Variants in TTN observed in about 807,000 individuals in gnomAD.
TTN encodes titin, also known as connectin.
A neutral mutation model predicts 3,223.0 loss-of-function variants in TTN; 1,525 were observed. That is an observed-to-expected ratio of 0.47 (90% CI 0.45 to 0.49). The LOEUF (loss-of-function observed/expected upper bound fraction) is 0.49, where lower values mean the gene tolerates loss of function less well. Among genes scored for constraint, TTN ranks in the 20% least tolerant of loss-of-function variants. TTN has a pLI of 0.00. For synonymous variants in TTN, 14,094 were observed against 15,161.0 expected (o/e 0.93, Z 5.17); for missense variants, 40,786 against 43,424.0 (o/e 0.94, Z 5.40).
At position 178,609,691 on chromosome 2, in the gene TTN, A is replaced by T; in HGVS notation, c.51732T>A (p.Asp17244Glu). 5 of 1,588,738 alleles carry T rather than the reference A, an allele frequency of 3.1e-6. No individual in the cohort carries two copies. The highest frequency in any genetic ancestry group is 1.3e-5 in the African/African-American group (1 of 74,222). Residue 17244 changes from aspartate to glutamate, a missense_variant, in exon 272 of 363, where the codon GAT (aspartate) becomes GAA (glutamate). Transcript: ENST00000589042. ...SRATPPTKAV[D>E]PIDAPKVILR... ...CCATGAAACAAAACTTACCAATGGG[A>T]TCTACAGCTTTGGTTGGAGGAGTAG...
chr2:178,588,585 C>T lies in TTN; in HGVS notation c.63140G>A (p.Gly21047Glu). ...CGGTCTTGAAGGCAAGCTTGGTTCT[C>T]CAATTCCAATTTCATTTTCTGCCTT... ...RVKAENEIGI[G>E]EPSLPSRPVV... Residue 21047 changes from glycine (G) to glutamate (E), a missense_variant, in exon 304 of 363, where the codon GGA becomes GAA. Physicochemically the swap from Gly to Glu is moderately conservative, Grantham distance 98. Coordinates refer to ENST00000589042, the MANE Select transcript of TTN (RefSeq NM_001267550.2). 6.4e-7 allele frequency: 1 copy of T among 1,554,870 alleles called. No homozygotes were observed. The highest frequency in any genetic ancestry group is 8.7e-7 in the Non-Finnish European group (1 of 1,152,600).
At position 178,611,135 on chromosome 2, in the gene TTN, A is replaced by G. The variant is rs752023426; in HGVS notation, c.50994T>C (p.Ser16998=). The part of the protein sequence containing the change: ...WHKDGKEVKA[S]DRLTMKNDHI... The stretch of plus-strand genomic sequence containing the variant: ...GATCATTCTTCATTGTTAATCTATC[A>G]CTTGCTTTAACTTCTTTGCCATCTT... Residue 16998 remains serine, a synonymous_variant, in exon 270 of 363, where the codon AGT becomes AGC. Transcript: ENST00000589042. 2.7e-4 allele frequency: 443 copies of G among 1,612,792 alleles called. 3 individuals are homozygous for G. Among genetic ancestry groups the G allele is most frequent in the Non-Finnish European group, 9.2e-5 (109 of 1,179,222 alleles).
chr2:178,779,971 G>A, intron 22 of TTN, 29 bp downstream of exon 22: 1 of 1,594,272 alleles, frequency 6.3e-7, no homozygotes, highest in Non-Finnish European at 8.6e-7. Flanking sequence ...TTATGAAATT[G>A]TTTGGTTGGT....
Position 178,636,757 on chromosome 2 carries a change from C to T in TTN, c.40970G>A (p.Arg13657Lys). 3 of 1,607,412 alleles carry T rather than the reference C, an allele frequency of 1.9e-6. No individual in the cohort carries two copies. The highest frequency in any genetic ancestry group is 2.6e-6 in the Non-Finnish European group (3 of 1,175,780). The change falls in exon 225 of 363, where the codon AGA becomes AAA. Residue 13657 changes from arginine to lysine, a missense_variant. Coordinates refer to ENST00000589042, the MANE Select transcript of TTN (RefSeq NM_001267550.2). This position sits in a 1 kb window ranked among gnomAD's most constrained non-coding sequence, Gnocchi z 4.3. ...TCCACCACTTCCTGGCCTTAACTTT[C>T]TCCTTTCGGCTTCTATTGGTGAAGG... is the stretch of plus-strand genomic sequence containing the variant. ...KTPSPIEAER[R>K]KLRPGSGGEK...
rs727504503 is a variant in TTN, at chr2:178,554,000, T to C, written c.89111A>G (p.Tyr29704Cys). 7 of 1,613,324 alleles carry C rather than the reference T, an allele frequency of 4.3e-6. No individual in the cohort carries two copies. In the Admixed American group the frequency reaches 5.0e-5, roughly 12 times the overall value. The stretch of plus-strand genomic sequence containing the variant: ...GTTTACAGCACAAACTCTGTATTGA[T>C]AGTCACTGTTTTCTGTGAGTCCTGT... The part of the protein sequence containing the change: ...KVTGLTENSD[Y>C]QYRVCAVNAA... The change falls in exon 333 of 363, where the codon TAT becomes TGT. Residue 29704 changes from tyrosine (Y) to cysteine (C), a missense_variant. Physicochemically the swap from Tyr to Cys is radical, Grantham distance 194. Coordinates refer to ENST00000589042, the MANE Select transcript of TTN (RefSeq NM_001267550.2).
At chr2:178,671,780 A>C (rs1431153201) in intron 155 of TTN, among the ~76,000 whole-genome samples, 191 bp downstream of exon 155, 1 of 151,800 alleles carries the variant, frequency 6.6e-6, no homozygotes, top group East Asian at 1.9e-4. Context: ...TAGATATCAA[A>C]TATTACTATC....
chr2:178,635,280 G>T lies in TTN; in HGVS notation c.41909C>A (p.Pro13970Gln), dbSNP rs1347182960. The T allele has an allele frequency of 1.2e-6, 2 of 1,613,002 alleles. No individual in the cohort carries two copies. The highest frequency in any genetic ancestry group is 1.7e-6 in the Non-Finnish European group (2 of 1,179,498). The change falls in exon 228 of 363, where the codon CCA (proline) becomes CAA (glutamine). Residue 13970 changes from proline (P) to glutamine (Q), a missense_variant. Transcript: ENST00000589042. ...LGEREVELLK[P>Q]IEDVTIYEKE... ...CTCATAAATGGTAACGTCCTCTATT[G>T]GTTTAAGCAGTTCAACTTCACGCTC...
At chr2:178,600,410 C>CATATATATATAT (rs10684593) in intron 288 of TTN, 214 of 142,180 alleles carry the variant, frequency 1.5e-3, no homozygotes, top group East Asian at 0.01. Context: ...GAATTATTAC[C>CATATATATATAT]ATATATATAT....
chr2:178,701,419 T>G lies in TTN; in HGVS notation c.30598+109A>C, dbSNP rs2251987. 1,203,465 of 1,211,230 alleles carry G rather than the reference T, an allele frequency of 0.99. 598,254 individuals are homozygous for G. The highest frequency in any genetic ancestry group is 1 in the East Asian group (42,071 of 42,072). The allele number at this position is 1,211,230 out of a possible 1,614,324, so 75.0% of individuals were successfully genotyped here. On this transcript the variant is annotated intron_variant, in intron 110 of 362. Transcript: ENST00000589042. ...TCACTGAAGAATATGACATGGAAGG[T>G]TTTGTTCTGACTCTGCTGCAGTTTG...
chr2:178,665,656 A>G (rs2154260727), intron 164 of TTN, 52 bp downstream of exon 164: 2 of 1,295,934 alleles, frequency 1.5e-6, no homozygotes, highest in Non-Finnish European at 2.0e-6. Flanking sequence ...AGCACCCTGT[A>G]CATGCTAAGC....
rs1307295832 is a variant in TTN at position 178,553,339 on chromosome 2, C to T, written c.89561G>A (p.Gly29854Asp). ...GGGAATCAACACTTGTACATCTTCA[C>T]CAGCTTTGGCAATAACAGAAGTTCT... The part of the protein sequence containing the change: ...ALRTSVIAKA[G>D]EDVQVLIPFK... The change falls in exon 335 of 363, where the codon GGT becomes GAT. Residue 29854 changes from glycine to aspartate, a missense_variant. By Grantham distance (94) the Gly-to-Asp change is moderately conservative. Coordinates refer to ENST00000589042, the MANE Select transcript of TTN (RefSeq NM_001267550.2). The T allele has an allele frequency of 6.2e-6, 10 of 1,602,514 alleles. No homozygotes were observed. The highest frequency in any genetic ancestry group is 1.3e-5 in the African/African-American group (1 of 74,862).
At position 178,774,445 on chromosome 2, in the gene TTN, A is replaced by C; in HGVS notation, c.6819T>G (p.Leu2273=). 6.2e-7 allele frequency: 1 copy of C among 1,613,204 alleles called. No homozygotes were observed. The highest frequency in any genetic ancestry group is 1.7e-4 in the Middle Eastern group (1 of 6,058). The part of the protein sequence containing the change: ...EGAVVEFVKE[L]QDIEVPESYS... ...ATGATTCTGGAACTTCTATGTCCTG[A>C]AGTTCTTTCACAAACTCAACAACTG... Residue 2273 remains leucine (L), a synonymous_variant, in exon 30 of 363, where the codon CTT becomes CTG. Transcript: ENST00000589042.
chr2:178,745,664 C>G (rs1255919643), intron 47 of TTN: 10 of 1,612,146 alleles, frequency 6.2e-6, no homozygotes, highest in Non-Finnish European at 7.6e-6. Context: ...TCCTTCATCA[C>G]TCTTTACTAA....
In TTN at chr2:178,590,100, G is replaced by C. The variant is rs373529637; in HGVS notation, c.61625C>G (p.Ala20542Gly). The change falls in exon 304 of 363, where the codon GCT becomes GGT. Residue 20542 changes from alanine (A) to glycine (G), a missense_variant. Ala to Gly is a moderately conservative substitution (Grantham distance 60). Transcript: ENST00000589042. The stretch of plus-strand genomic sequence containing the variant: ...TGAGATGATATACTTGCCATGATCA[G>C]CTCTAACAGCTTCTTTAATTTGTAA... ...VELQIKEAVR[A>G]DHGKYIISAK... 9.3e-6 allele frequency: 15 copies of C among 1,613,084 alleles called. No individual in the cohort carries two copies. In the African/African-American group the frequency reaches 2.0e-4, roughly 22 times the overall value.
rs1275679502 is a variant in TTN at position 178,577,846 on chromosome 2, G to T, written c.68580C>A (p.Leu22860=). ...VINITRNSVT[L]IWTEPKYDGG... ...CGTCATATTTAGGTTCAGTCCAAAT[G>T]AGAGTCACTGAATTCCTTGTTATGT... The change falls in exon 323 of 363, where the codon CTC becomes CTA. Residue 22860 remains leucine (L), a synonymous_variant. Transcript: ENST00000589042. 4 of 1,601,420 alleles carry T rather than the reference G, an allele frequency of 2.5e-6. No individual in the cohort carries two copies.
chr2:178,806,104 A>G (rs1175071469), intron 1 of TTN, among the ~76,000 whole-genome samples: 4 of 152,202 alleles, frequency 2.6e-5, no homozygotes, highest in African/African-American at 9.6e-5. Flanking sequence ...TCCTTACTGT[A>G]ACCTTCTACT....
In TTN at chr2:178,728,543, A is replaced by G. The variant is rs76771282; in HGVS notation, c.19383T>C (p.Asn6461=). The G allele has an allele frequency of 9.6e-3, 15,555 of 1,612,620 alleles. 95 individuals are homozygous for G. The highest frequency in any genetic ancestry group is 0.012 in the Non-Finnish European group (14,284 of 1,179,142). Residue 6461 remains asparagine, a synonymous_variant, in exon 66 of 363, where the codon AAT becomes AAC. Coordinates refer to ENST00000589042, the MANE Select transcript of TTN (RefSeq NM_001267550.2). ...DSGQYTFKVE[N]DFGSSSCDAY... ...CATCACAGCTACTGCTTCCGAAGTC[A>G]TTTTCCACCTTGAAAGTGTACTGAC...
In TTN at chr2:178,734,824, T is replaced by G. The variant is rs1211030254; in HGVS notation, c.15100A>C (p.Asn5034His). The G allele has an allele frequency of 5.0e-6, 8 of 1,613,832 alleles. No homozygotes were observed. In the East Asian group the frequency reaches 1.8e-4, roughly 36 times the overall value. The stretch of plus-strand genomic sequence containing the variant: ...GTAATATCAAGTATAGCCTCAGAAT[T>G]GACAAAATACATTCGGACTGTGTTA... ...ESNTVRMYFV[N>H]SEAILDITDV... Residue 5034 changes from asparagine (N) to histidine (H), a missense_variant, in exon 51 of 363, where the codon AAT becomes CAT. Transcript: ENST00000589042.
Position 178,747,498 on chromosome 2 carries a change from C to T in TTN, c.11312-5577G>A, listed in dbSNP as rs371444691. The T allele has an allele frequency of 1.3e-4, 213 of 1,613,392 alleles. 2 individuals are homozygous for T. The South Asian group carries it at 2.2e-3, about 17-fold the overall frequency. On this transcript the variant is annotated intron_variant, in intron 47 of 362. Coordinates refer to ENST00000589042, the MANE Select transcript of TTN (RefSeq NM_001267550.2). ...GTACTTCCCACACCAATGGAAATGT[C>T]AGACTCAGGAGAAAGTGGACGACCT...
Sources: gnomAD v4.1 joint callset for allele counts (sites outside exome capture counted in the v4.1 genomes callset) on GRCh38, gnomAD v4.1.1 for gene constraint, Gnocchi (gnomAD v3.1) non-coding constraint, MANE v1.5 for transcripts, NCBI Gene and HGNC (gene_info 2026-07-23, HGNC 2026-07-21) for gene names.